The following PREP variants were observed in gnomAD, a reference collection of about 807,000 sequenced individuals.
PREP encodes dJ355L5.1 (prolyl endopeptidase).
Under a neutral mutation model 87.6 loss-of-function variants are expected in PREP, and 29 were observed. That is an observed-to-expected ratio of 0.33 (90% CI 0.25 to 0.45). The LOEUF (loss-of-function observed/expected upper bound fraction) is 0.45. PREP is among the 20% of genes least tolerant of loss of function. The pLI, the probability that PREP is intolerant of heterozygous loss-of-function variation, is 1.00. For missense variants in PREP, 695 were observed against 886.5 expected (o/e 0.78, Z 2.74); for synonymous variants, 337 against 328.6 (o/e 1.03, Z -0.28).
chr6:105,369,093 G>T, intron 5 of PREP, 69 bp from the exon 6 acceptor site: 1 of 1,540,160 alleles, frequency 6.5e-7, no homozygotes, highest in Non-Finnish European at 8.9e-7. Context: ...CACCCATATT[G>T]CAGAATGCTA....
rs140785567 is a variant in PREP at position 105,359,697 on chromosome 6, T to C, written c.718-6620A>G. Reference sequence around the variant, plus strand: ...CCAGGTCTCATCCTCAAGTTGAAGATGGCACCTCTCCCAAGGTCATGCATT... The same window carrying C: ...CCAGGTCTCATCCTCAAGTTGAAGACGGCACCTCTCCCAAGGTCATGCATT... On this transcript the variant is annotated intron_variant, in intron 6 of 14. Coordinates refer to ENST00000652536, the MANE Select transcript of PREP (RefSeq NM_002726.5). Among the ~76,000 whole-genome samples the C allele has an allele frequency of 5.5e-3, 830 of 152,224 alleles. 12 individuals are homozygous for C. The highest frequency in any genetic ancestry group is 0.041 in the South Asian group (199 of 4,818).
chr6:105,359,244 A>T (rs77033835), intron 6 of PREP, among the ~76,000 whole-genome samples: 10,868 of 152,242 alleles, frequency 0.071, 421 homozygotes, highest in South Asian at 0.15. Context: ...GGAGAGACAG[A>T]TACACTAAAG....
intron 1 of PREP, among the ~76,000 whole-genome samples, chr6:105,402,177 C>G (rs1159763942): frequency 2.0e-5 from 3 of 152,112 alleles, no homozygotes; most frequent in African/African-American, 7.2e-5. Flanking sequence ...TCCTCTCACC[C>G]TCTCTCAACT....
At chr6:105,346,718 G>A (rs931150366) in intron 7 of PREP, among the ~76,000 whole-genome samples, 12 of 152,302 alleles carry the variant, frequency 7.9e-5, no homozygotes, top group African/African-American at 2.4e-4. Context: ...AGGTTGTTAA[G>A]TTACTAACAA....
chr6:105,289,059 G>A (rs1040800746), intron 10 of PREP, among the ~76,000 whole-genome samples, 165 bp from the exon 11 acceptor site: 9 of 152,170 alleles, frequency 5.9e-5, no homozygotes, highest in African/African-American at 9.7e-5. Flanking sequence ...AGTTTTTATG[G>A]AGAGAATGTA....
chr6:105,276,977 T>TATCA lies in PREP; in HGVS notation c.*1163_*1166dup, dbSNP rs1769946891. Among the ~76,000 whole-genome samples the TATCA allele has an allele frequency of 6.6e-6, 1 of 151,876 alleles. No individual in the cohort carries two copies. The highest frequency in any genetic ancestry group is 6.5e-5 in the Admixed American group (1 of 15,270). The stretch of plus-strand genomic sequence containing the variant: ...CTATATAAAATAATAATTTTTATCA[T>TATCA]ATCATCTGATAAAGCAAGACAAAGG... On this transcript the variant is annotated 3_prime_UTR_variant, in exon 15 of 15. Transcript: ENST00000652536.
At chr6:105,335,252 T>C (rs1312456608) in intron 7 of PREP, among the ~76,000 whole-genome samples, 1 of 152,210 alleles carries the variant, frequency 6.6e-6, no homozygotes, top group African/African-American at 2.4e-5. Flanking sequence ...GTTCTATGAC[T>C]TCTAAACTAC....
At chr6:105,315,756 G>A (rs1770850383) in intron 10 of PREP, among the ~76,000 whole-genome samples, 1 of 152,222 alleles carries the variant, frequency 6.6e-6, no homozygotes, top group South Asian at 2.1e-4. Context: ...ATAACTTGCT[G>A]CAGCTTCTAC....
chr6:105,389,308 A>G (rs1220085710), intron 2 of PREP, among the ~76,000 whole-genome samples: 2 of 152,206 alleles, frequency 1.3e-5, no homozygotes, highest in Non-Finnish European at 2.9e-5. Flanking sequence ...AATGAATACT[A>G]GATCAGGTAG....
At chr6:105,364,287 G>T (rs539535600) in intron 6 of PREP, among the ~76,000 whole-genome samples, 1 of 152,344 alleles carries the variant, frequency 6.6e-6, no homozygotes, top group East Asian at 1.9e-4. Context: ...GGGAAGACAC[G>T]CTGTCACAGC....
chr6:105,388,023 T>C (rs1320113309), intron 2 of PREP, among the ~76,000 whole-genome samples: 1 of 151,728 alleles, frequency 6.6e-6, no homozygotes. Context: ...GAAGCACATA[T>C]GGAGAAAAGA....
At position 105,333,480 on chromosome 6, in the gene PREP, A is replaced by C; in HGVS notation, c.849T>G (p.Ile283Met). 1 of 1,614,100 alleles carries C rather than the reference A, an allele frequency of 6.2e-7. No homozygotes were observed. Among genetic ancestry groups the C allele is most frequent in the South Asian group, 1.1e-5 (1 of 91,078 alleles). Residue 283 changes from isoleucine (I) to methionine (M), a missense_variant, in exon 8 of 15, where the codon ATT becomes ATG. Ile to Met is a conservative substitution (Grantham distance 10). Coordinates refer to ENST00000652536, the MANE Select transcript of PREP (RefSeq NM_002726.5). Reference protein sequence around the residue: ...IAGILKWVKLIDNFEGEYDYV... With the variant: ...IAGILKWVKLMDNFEGEYDYV... ...AGTCATATTCCCCTTCAAAGTTGTC[A>C]ATCAGTTTTACCCACTTCAGGATTC...
intron 10 of PREP, among the ~76,000 whole-genome samples, chr6:105,315,294 G>A (rs1195518482): frequency 6.6e-6 from 1 of 152,146 alleles, no homozygotes; most frequent in African/African-American, 2.4e-5. Context: ...CTCTTGAGAA[G>A]CTAGAACTAC....
At position 105,327,850 on chromosome 6, in the gene PREP, G is replaced by C. The variant is rs541837862; in HGVS notation, c.1213+979C>G. On this transcript the variant is annotated intron_variant, in intron 9 of 14. Coordinates refer to ENST00000652536, the MANE Select transcript of PREP (RefSeq NM_002726.5). ...AACTGCTAACTGAGCCAGACTCCTG[G>C]GACAAATCAGTGTGTGTATGGCCAT... Among the ~76,000 whole-genome samples, 10 of 152,216 alleles carry C rather than the reference G, an allele frequency of 6.6e-5. No individual in the cohort carries two copies. The South Asian group carries it at 2.1e-3, about 32-fold the overall frequency.
chr6:105,359,250 T>C (rs981733952), intron 6 of PREP, among the ~76,000 whole-genome samples: 1 of 152,102 alleles, frequency 6.6e-6, no homozygotes, highest in African/African-American at 2.4e-5. Flanking sequence ...ACAGATACAC[T>C]AAAGGATACA....
intron 2 of PREP, among the ~76,000 whole-genome samples, chr6:105,388,685 G>C (rs1444914781): frequency 6.6e-6 from 1 of 152,128 alleles, no homozygotes; most frequent in Admixed American, 6.5e-5. Context: ...GTAGTAACAC[G>C]TTTAAGACCT....
chr6:105,323,712 C>A lies in PREP; in HGVS notation c.1270G>T (p.Glu424Ter). 1 of 1,613,796 alleles carries A rather than the reference C, an allele frequency of 6.2e-7. No individual in the cohort carries two copies. Reference sequence around the variant, plus strand: ...GCATCAATTCCTTTTACGGTCACCTCTCGGAAAACTCTTGGCTCCAGCTCC... The same window carrying A: ...GCATCAATTCCTTTTACGGTCACCTATCGGAAAACTCTTGGCTCCAGCTCC... The part of the protein sequence containing the change: ...KEELEPRVFR[E>*]VTVKGIDASD... The change falls in exon 10 of 15, where the codon GAG becomes TAG. Residue 424 changes from glutamate to a stop codon, truncating the protein, a stop_gained. Transcript: ENST00000652536. LOFTEE classifies it high-confidence loss of function.
intron 8 of PREP, among the ~76,000 whole-genome samples, chr6:105,332,419 C>T (rs1463162923): frequency 6.6e-6 from 1 of 152,166 alleles, no homozygotes; most frequent in Middle Eastern, 3.2e-3. Flanking sequence ...ACTCTAAGAC[C>T]TGTGCTTTAA....
chr6:105,387,291 G>T (rs1773023343), intron 2 of PREP, among the ~76,000 whole-genome samples: 1 of 152,090 alleles, frequency 6.6e-6, no homozygotes, highest in African/African-American at 2.4e-5. Flanking sequence ...CTTTTTAACT[G>T]CTGTTTTCCC....
Sources: gnomAD v4.1 joint callset for allele counts (sites outside exome capture counted in the v4.1 genomes callset) on GRCh38, gnomAD v4.1.1 for gene constraint, MANE v1.5 for transcripts, NCBI Gene and HGNC (gene_info 2026-07-23, HGNC 2026-07-21) for gene names.